C10orf90: variants seen among roughly 807,000 people sequenced by gnomAD.
The protein encoded by C10orf90 is chromosome 10 open reading frame 90.
In C10orf90, 56 loss-of-function variants were observed where a neutral mutation model predicts 62.5. The ratio of observed to expected loss-of-function variants is 0.90; its 90% CI spans 0.72 to 1.12. The LOEUF (loss-of-function observed/expected upper bound fraction) is 1.12. C10orf90 is among the 50% of genes most tolerant of loss of function. C10orf90 has a pLI of 0.00. For missense variants in C10orf90, 970 were observed against 880.4 expected (o/e 1.10, Z -1.29); for synonymous variants, 386 against 340.4 (o/e 1.13, Z -1.47).
intron 2 of C10orf90, among the ~76,000 whole-genome samples, chr10:126,642,854 T>C (rs1221956444): frequency 6.6e-6 from 1 of 152,076 alleles, no homozygotes; most frequent in African/African-American, 2.4e-5. Context: ...CTCAGGATCC[T>C]CCCACCAGCA....
chr10:126,615,606 C>T lies in C10orf90; in HGVS notation c.313+30959G>A, dbSNP rs77581759. ...TCTCTAATCAAATGGTTATGTTTTA[C>T]CCCCCTAAGCTTTCTTTCAGTTATT... On this transcript the variant is annotated intron_variant, in intron 2 of 9. Coordinates refer to ENST00000488181, the MANE Select transcript of C10orf90 (RefSeq NM_001350921.2). Among the ~76,000 whole-genome samples the T allele has an allele frequency of 5.1e-3, 783 of 152,154 alleles. 7 individuals carry two copies. Among genetic ancestry groups the T allele is most frequent in the African/African-American group, 0.018 (730 of 41,510 alleles).
intron 2 of C10orf90, among the ~76,000 whole-genome samples, chr10:126,522,482 C>A (rs548703965): frequency 6.6e-6 from 1 of 152,324 alleles, no homozygotes; most frequent in African/African-American, 2.4e-5. Context: ...GCTTTGTAAG[C>A]AGTTTCACAA....
intron 2 of C10orf90, among the ~76,000 whole-genome samples, chr10:126,531,716 T>C (rs969733081): frequency 3.9e-5 from 6 of 152,116 alleles, no homozygotes; most frequent in African/African-American, 1.2e-4. Flanking sequence ...CTTTGTAAAC[T>C]GAGGAGGCAA....
At chr10:126,613,756 C>T (rs967816842) in intron 2 of C10orf90, among the ~76,000 whole-genome samples, 1 of 152,208 alleles carries the variant, frequency 6.6e-6, no homozygotes, top group Admixed American at 6.5e-5. Flanking sequence ...AAGCACGTGA[C>T]CTTCAGGTAA....
intron 1 of C10orf90, among the ~76,000 whole-genome samples, chr10:126,666,979 CA>C (rs566799621): frequency 0.063 from 8,516 of 136,138 alleles, 766 homozygotes; most frequent in African/African-American, 0.21. Flanking sequence ...GACCCTGTCT[CA>C]AAAAAAAAAA....
At chr10:126,642,413 T>C (rs1382479019) in intron 2 of C10orf90, among the ~76,000 whole-genome samples, 1 of 151,986 alleles carries the variant, frequency 6.6e-6, no homozygotes, top group Non-Finnish European at 1.5e-5. Flanking sequence ...GCGCCTGTAG[T>C]CCCAGCTACT....
chr10:126,617,518 T>C (rs575950732), intron 2 of C10orf90, among the ~76,000 whole-genome samples: 1 of 152,340 alleles, frequency 6.6e-6, no homozygotes, highest in South Asian at 2.1e-4. Flanking sequence ...CTCACACAGA[T>C]TCAATCCTCT....
chr10:126,652,824 A>G (rs1391992296), intron 1 of C10orf90, among the ~76,000 whole-genome samples: 1 of 152,190 alleles, frequency 6.6e-6, no homozygotes, highest in Non-Finnish European at 1.5e-5. Context: ...TATTCCTTTC[A>G]GCATGTTCTA....
At chr10:126,521,315 G>A in intron 2 of C10orf90, 1 of 1,614,102 alleles carries the variant, frequency 6.2e-7, no homozygotes, top group Admixed American at 1.7e-5. Context: ...CAGACAGTTT[G>A]AGCATATTCT....
intron 2 of C10orf90, among the ~76,000 whole-genome samples, chr10:126,645,258 TA>T (rs1182066967): frequency 0.17 from 11,366 of 66,334 alleles, 420 homozygotes; most frequent in South Asian, 0.27. Context: ...ACTTAAAGTA[TA>T]AAAAAAAAAA....
At chr10:126,442,659 A>G (rs1207421350) in intron 7 of C10orf90, among the ~76,000 whole-genome samples, 52 of 91,876 alleles carry the variant, frequency 5.7e-4, no homozygotes, top group African/African-American at 1.9e-3. Flanking sequence ...ATATATATAT[A>G]TATATATATA....
chr10:126,530,064 T>TATA (rs1777504903), intron 2 of C10orf90, among the ~76,000 whole-genome samples: 1 of 152,202 alleles, frequency 6.6e-6, no homozygotes, highest in African/African-American at 2.4e-5. Context: ...CACTGGGATA[T>TATA]ATAAGACTGT....
chr10:126,529,589 A>G (rs1477871038), intron 2 of C10orf90, among the ~76,000 whole-genome samples: 1 of 152,232 alleles, frequency 6.6e-6, no homozygotes, highest in Non-Finnish European at 1.5e-5. Context: ...TCTCAATAGA[A>G]TCATATTTTT....
intron 2 of C10orf90, among the ~76,000 whole-genome samples, chr10:126,543,993 G>A (rs910441370): frequency 1.3e-5 from 2 of 152,200 alleles, no homozygotes; most frequent in Non-Finnish European, 2.9e-5. Context: ...GGCGAGCCCT[G>A]TGCTTCAGGG....
chr10:126,443,051 A>C (rs1392303416), intron 7 of C10orf90, among the ~76,000 whole-genome samples: 2 of 152,108 alleles, frequency 1.3e-5, no homozygotes, highest in African/African-American at 4.8e-5. Context: ...TGCCTACATC[A>C]AAAAGACTGA....
intron 2 of C10orf90, among the ~76,000 whole-genome samples, chr10:126,528,729 G>C (rs11245019): frequency 0.068 from 10,369 of 152,150 alleles, 1,166 homozygotes; most frequent in African/African-American, 0.23. Flanking sequence ...CCTGAGGCTG[G>C]ACTCTCAGGT....
chr10:126,460,247 A>G (rs1168786994), intron 6 of C10orf90, among the ~76,000 whole-genome samples: 1 of 152,144 alleles, frequency 6.6e-6, no homozygotes, highest in African/African-American at 2.4e-5. Context: ...AGTGAGTCAT[A>G]TGTTTACCTC....
chr10:126,448,035 T>C (rs1490196572), intron 7 of C10orf90, among the ~76,000 whole-genome samples: 1 of 141,296 alleles, frequency 7.1e-6, no homozygotes, highest in African/African-American at 2.7e-5. Flanking sequence ...TTTTTTTTTT[T>C]TTTTTTTTGT....
chr10:126,510,050 C>T (rs1356705608), intron 3 of C10orf90, among the ~76,000 whole-genome samples: 1 of 152,180 alleles, frequency 6.6e-6, no homozygotes, highest in African/African-American at 2.4e-5. Context: ...CCTCTGTCCT[C>T]TGCTCCATGT....
Sources: allele counts gnomAD v4.1 joint callset (sites outside exome capture counted in the v4.1 genomes callset), GRCh38; gene constraint gnomAD v4.1.1; transcripts MANE v1.5; gene names NCBI Gene and HGNC (gene_info 2026-07-23, HGNC 2026-07-21).